The following RABGAP1L variants were observed in gnomAD, a reference collection of about 807,000 sequenced individuals.
RABGAP1L encodes the protein rab GTPase-activating protein 1-like.
A neutral mutation model predicts 137.7 loss-of-function variants in RABGAP1L; 63 were observed. The ratio of observed to expected loss-of-function variants is 0.46; its 90% CI spans 0.37 to 0.56. RABGAP1L has a LOEUF of 0.56. Among genes scored for constraint, RABGAP1L ranks in the 20% least tolerant of loss-of-function variants. RABGAP1L has a pLI of 0.00. For synonymous variants in RABGAP1L, 431 were observed against 433.7 expected (o/e 0.99, Z 0.08); for missense variants, 1,095 against 1,244.0 (o/e 0.88, Z 1.80).
chr1:174,613,084 C>T (rs1671428231), intron 13 of RABGAP1L, among the ~76,000 whole-genome samples: 1 of 150,094 alleles, frequency 6.7e-6, no homozygotes, highest in Admixed American at 6.6e-5. Context: ...TTAGTTATTT[C>T]TTGCCTTCTG....
At chr1:174,166,490 T>G (rs539195719) in intron 1 of RABGAP1L, among the ~76,000 whole-genome samples, 84 of 152,324 alleles carry the variant, frequency 5.5e-4, no homozygotes, top group African/African-American at 1.9e-3. Flanking sequence ...ATTGATGGCT[T>G]CTTTATTCCA....
chr1:174,668,463 T>A (rs1421180337), intron 14 of RABGAP1L, among the ~76,000 whole-genome samples: 1 of 152,214 alleles, frequency 6.6e-6, no homozygotes, highest in South Asian at 2.1e-4. Context: ...GGCTGAGTAG[T>A]ATTCCATTGT....
intron 19 of RABGAP1L, among the ~76,000 whole-genome samples, chr1:174,937,547 A>G (rs1003396334): frequency 2.0e-5 from 3 of 148,634 alleles, no homozygotes; most frequent in African/African-American, 7.7e-5. Flanking sequence ...CGGCCTCCCA[A>G]AGTGCTGGGA....
chr1:174,432,364 C>A (rs1386454045), intron 13 of RABGAP1L, among the ~76,000 whole-genome samples: 1 of 152,100 alleles, frequency 6.6e-6, no homozygotes, highest in African/African-American at 2.4e-5. Flanking sequence ...TAGCATAAAA[C>A]ATAATATTAA....
rs534358118 is a variant in RABGAP1L, at chr1:174,448,779, A to G, written c.1710+54634A>G. 1.2e-6 allele frequency: 2 copies of G among 1,613,776 alleles called. No homozygotes were observed. Among genetic ancestry groups the G allele is most frequent in the Non-Finnish European group, 1.7e-6 (2 of 1,179,788 alleles). ...GCTGCCTTTGTTGTCTGCTTCACTT[A>G]CTTCCACATTTTCAAAATTTGCCGT... is the stretch of plus-strand genomic sequence containing the variant. On this transcript the variant is annotated intron_variant, in intron 13 of 25. Transcript: ENST00000681986. The surrounding 1 kb of genome is among the most constrained non-coding windows in gnomAD (Gnocchi z 4.2).
rs1429332716 is a variant in RABGAP1L at position 174,993,357 on chromosome 1, C to CTT, written c.*3358_*3359dup. 7 of 152,144 alleles carry CTT rather than the reference C, an allele frequency of 4.6e-5. No individual in the cohort carries two copies. The highest frequency in any genetic ancestry group is 8.8e-5 in the Non-Finnish European group (6 of 68,032). The allele number at this position is 152,144 out of a possible 1,614,324, so 9.4% of individuals were successfully genotyped here. On this transcript the variant is annotated 3_prime_UTR_variant, in exon 26 of 26. Coordinates refer to ENST00000681986, the MANE Select transcript of RABGAP1L (RefSeq NM_001366446.1). ...GTCCTGAGTAAAGTAGAAAAGCAAC[C>CTT]TTTGTATGGATGTGGGGATATTTAA...
intron 1 of RABGAP1L, among the ~76,000 whole-genome samples, chr1:174,186,162 AT>A (rs1666791814): frequency 6.6e-6 from 1 of 151,610 alleles, no homozygotes; most frequent in South Asian, 2.1e-4. Flanking sequence ...AAAAAAAAAA[AT>A]TTCTTAAAAA....
intron 13 of RABGAP1L, among the ~76,000 whole-genome samples, chr1:174,428,978 AT>A (rs66675678): frequency 6.6e-6 from 1 of 151,562 alleles, no homozygotes; most frequent in Non-Finnish European, 1.5e-5. Flanking sequence ...TACAACACAG[AT>A]TTTTTTTTGA....
chr1:174,756,251 G>A (rs973480287), intron 18 of RABGAP1L, among the ~76,000 whole-genome samples: 1 of 152,152 alleles, frequency 6.6e-6, no homozygotes, highest in African/African-American at 2.4e-5. Flanking sequence ...TGGGGTGCAA[G>A]TGATTCTCCT....
chr1:174,624,665 A>T (rs1305348445), intron 13 of RABGAP1L, among the ~76,000 whole-genome samples: 1 of 152,188 alleles, frequency 6.6e-6, no homozygotes, highest in African/African-American at 2.4e-5. Flanking sequence ...AATTCATTGA[A>T]GACACTGGAA....
At chr1:174,543,496 G>A (rs1665682931) in intron 13 of RABGAP1L, among the ~76,000 whole-genome samples, 1 of 152,124 alleles carries the variant, frequency 6.6e-6, no homozygotes, top group South Asian at 2.1e-4. Context: ...TTCCCTGCCT[G>A]TGAGATGGGT....
chr1:174,304,104 C>G (rs1323131640), intron 10 of RABGAP1L, among the ~76,000 whole-genome samples: 1 of 152,098 alleles, frequency 6.6e-6, no homozygotes, highest in Non-Finnish European at 1.5e-5. Context: ...TACTTGTTTA[C>G]TGAGCATTTT....
intron 19 of RABGAP1L, among the ~76,000 whole-genome samples, chr1:174,929,741 C>G (rs1663433447): frequency 7.5e-6 from 1 of 133,592 alleles, no homozygotes; most frequent in African/African-American, 2.9e-5. Context: ...GAGGGAGACA[C>G]TGTCTCTACA....
At chr1:174,499,882 A>G (rs1179451615) in intron 13 of RABGAP1L, among the ~76,000 whole-genome samples, 1 of 152,100 alleles carries the variant, frequency 6.6e-6, no homozygotes, top group East Asian at 1.9e-4. Flanking sequence ...TTTTAAGTTC[A>G]TATATTATAA....
At chr1:174,470,603 C>T (rs1657805792) in intron 13 of RABGAP1L, among the ~76,000 whole-genome samples, 1 of 151,964 alleles carries the variant, frequency 6.6e-6, no homozygotes, top group Non-Finnish European at 1.5e-5. Flanking sequence ...CCCGTCTCTA[C>T]TAAAAGTACA....
chr1:174,850,119 C>A, intron 19 of RABGAP1L: 1 of 490,576 alleles, frequency 2.0e-6, no homozygotes, highest in East Asian at 5.7e-5. Context: ...CCATTCCTCT[C>A]AGTTCTCTAG....
At chr1:174,501,252 C>T (rs1194692011) in intron 13 of RABGAP1L, among the ~76,000 whole-genome samples, 1 of 148,074 alleles carries the variant, frequency 6.8e-6, no homozygotes, top group Admixed American at 6.8e-5. Context: ...CTCACTCTAT[C>T]GCCCAGGCTA....
intron 19 of RABGAP1L, among the ~76,000 whole-genome samples, chr1:174,932,330 A>G (rs1022300090): frequency 6.6e-6 from 1 of 151,528 alleles, no homozygotes; most frequent in Non-Finnish European, 1.5e-5. Context: ...AGCCTGGAAT[A>G]GTTTCTCAGT....
chr1:174,600,690 T>TC (rs1670339793), intron 13 of RABGAP1L, among the ~76,000 whole-genome samples: 1 of 152,194 alleles, frequency 6.6e-6, no homozygotes, highest in Non-Finnish European at 1.5e-5. Context: ...AGAGGTGGGT[T>TC]CCCATCATCT....
Sources: gnomAD v4.1 joint callset for allele counts (sites outside exome capture counted in the v4.1 genomes callset) on GRCh38, gnomAD v4.1.1 for gene constraint, Gnocchi (gnomAD v3.1) non-coding constraint, MANE v1.5 for transcripts, NCBI Gene and HGNC (gene_info 2026-07-23, HGNC 2026-07-21) for gene names.